Variants in VPS16 observed in about 807,000 individuals in gnomAD.
The protein encoded by VPS16 is VPS16 core subunit of CORVET and HOPS complexes, also known as vacuolar protein sorting-associated protein 16 homolog.
In VPS16, 82 loss-of-function variants were observed where a neutral mutation model predicts 116.0. The observed-to-expected ratio is 0.71, with a 90% confidence interval of 0.59 to 0.85. VPS16 has a LOEUF of 0.85. Ranked by LOEUF, VPS16 falls within the 40% of genes least tolerant of loss-of-function variation. The pLI is 0.00. For missense variants in VPS16, 928 were observed against 1,090.6 expected, an observed-to-expected ratio of 0.85 and a Z score of 2.10; for synonymous variants, 406 against 420.7, an observed-to-expected ratio of 0.96 and a Z score of 0.43.
At chr20:2,846,244 G>A (rs1243116009) in intron 1 of VPS16, among the ~76,000 whole-genome samples, 1 of 150,218 alleles carries the variant, frequency 6.7e-6, no homozygotes, top group African/African-American at 2.5e-5. Context: ...AGCCTCCTAA[G>A]TAGCTGGGAT....
chr20:2,864,089 G>A lies in VPS16; in HGVS notation c.1611+6G>A, dbSNP rs2146677016. The A allele has an allele frequency of 6.2e-7, 1 of 1,613,774 alleles. No individual in the cohort carries two copies. The highest frequency in any genetic ancestry group is 2.2e-5 in the East Asian group (1 of 44,862). ...GCACGGAGCTGGCCATCAAGGTGTG[G>A]GTGCCCAGCCCTCCACAGACACTCT... On this transcript the variant is annotated splice_donor_region_variant and intron_variant, in intron 16 of 23. Transcript: ENST00000380445. This position sits in a 1 kb window ranked among gnomAD's most constrained non-coding sequence, Gnocchi z 5.2.
At chr20:2,866,149 T>C in intron 22 of VPS16, 63 bp from the exon 23 acceptor site, 1 of 1,477,070 alleles carries the variant, frequency 6.8e-7, no homozygotes, top group South Asian at 1.2e-5. Context: ...CCTCTGCTCG[T>C]AAGAGAGAGG....
In VPS16 at chr20:2,845,046, TA is replaced by T. The variant is rs1338846629; in HGVS notation, c.53+4221del. 2.2e-4 allele frequency among the ~76,000 whole-genome samples: 29 copies of T among 129,524 alleles called. No homozygotes were observed. The South Asian group carries it at 5.5e-3, about 25-fold the overall frequency. The allele number at this position is 129,524 out of a possible 152,430, so 85.0% of individuals were successfully genotyped here. A position where few individuals can be genotyped will look rare whatever the true frequency, so the allele number is the denominator to read the frequency against. On this transcript the variant is annotated intron_variant, in intron 1 of 23. Coordinates refer to ENST00000380445, the MANE Select transcript of VPS16 (RefSeq NM_022575.4). ...TGTGTGTGTGTGTGTGTGTGTGTTTTAAGTTCCTTTTGTAGGCAATGCTGGG... is the reference window on the plus strand; with the variant it reads ...TGTGTGTGTGTGTGTGTGTGTGTTTTAGTTCCTTTTGTAGGCAATGCTGGG...
At position 2,864,278 on chromosome 20, in the gene VPS16, A is replaced by T; in HGVS notation, c.1711A>T (p.Thr571Ser). ...ALSKAIESGD[T>S]DLVFTVLLHL... The stretch of plus-strand genomic sequence containing the variant: ...AAGCAAGGCCATCGAGAGCGGGGAC[A>T]CTGACCTGGGTGAGGGCAAGGCTGG... The change falls in exon 17 of 24, where the codon ACT becomes TCT. Residue 571 changes from threonine (T) to serine (S), a missense_variant. Coordinates refer to ENST00000380445, the MANE Select transcript of VPS16 (RefSeq NM_022575.4). The surrounding 1 kb of genome is among the most constrained non-coding windows in gnomAD (Gnocchi z 5.2). 1 of 1,614,194 alleles carries T rather than the reference A, an allele frequency of 6.2e-7. No homozygotes were observed. Among genetic ancestry groups the T allele is most frequent in the Non-Finnish European group, 8.5e-7 (1 of 1,180,012 alleles).
Position 2,862,643 on chromosome 20 carries a change from C to G in VPS16, c.1136C>G (p.Ala379Gly), listed in dbSNP as rs370784992. The G allele has an allele frequency of 2.5e-5, 41 of 1,613,220 alleles. No individual in the cohort carries two copies. Among genetic ancestry groups the G allele is most frequent in the Non-Finnish European group, 3.3e-5 (39 of 1,179,964 alleles). The change falls in exon 12 of 24, where the codon GCC (alanine) becomes GGC (glycine). Residue 379 changes from alanine (A) to glycine (G), a missense_variant. Physicochemically the swap from Ala to Gly is moderately conservative, Grantham distance 60. Transcript: ENST00000380445. The part of the protein sequence containing the change: ...EIQELGQLTQ[A>G]VQQCIEAAGH... ...CAGGAGCTGGGCCAGCTGACCCAGG[C>G]CGTGCAGCAGTGCATTGAGGCTGCA...
Position 2,860,324 on chromosome 20 carries a change from A to T in VPS16, c.326A>T (p.Tyr109Phe). ...CAGGAAGATGGTGCTGTACTGGTTT[A>T]TGGGCTTCATGGTGACTTCCGGAGA... ...CVQEDGAVLV[Y>F]GLHGDFRRHF... The change falls in exon 4 of 24, where the codon TAT becomes TTT. Residue 109 changes from tyrosine (Y) to phenylalanine (F), a missense_variant. Transcript: ENST00000380445. The surrounding 1 kb of genome is among the most constrained non-coding windows in gnomAD (Gnocchi z 6.1). The T allele has an allele frequency of 1.2e-6, 2 of 1,614,022 alleles. No individual in the cohort carries two copies. Among genetic ancestry groups the T allele is most frequent in the South Asian group, 2.2e-5 (2 of 91,068 alleles).
At chr20:2,841,555 C>G (rs907056132) in intron 1 of VPS16, among the ~76,000 whole-genome samples, 6 of 152,224 alleles carry the variant, frequency 3.9e-5, no homozygotes, top group Admixed American at 3.9e-4. Flanking sequence ...CCATTTCTCT[C>G]TTTATCTCAC....
intron 1 of VPS16, among the ~76,000 whole-genome samples, chr20:2,858,491 T>C: frequency 6.6e-6 from 1 of 152,052 alleles, no homozygotes; most frequent in Non-Finnish European, 1.5e-5. Flanking sequence ...ATCTCTTTAT[T>C]TTTTTTTCTT....
chr20:2,860,117 A>C lies in VPS16; in HGVS notation c.206A>C (p.Tyr69Ser), dbSNP rs753600271. The C allele has an allele frequency of 2.0e-5, 33 of 1,613,626 alleles. No homozygotes were observed. The Admixed American group carries it at 5.2e-4, about 25-fold the overall frequency. The change falls in exon 3 of 24, where the codon TAC becomes TCC. Residue 69 changes from tyrosine to serine, a missense_variant. Tyr to Ser is a moderately radical substitution (Grantham distance 144, BLOSUM62 -2). Coordinates refer to ENST00000380445, the MANE Select transcript of VPS16 (RefSeq NM_022575.4). The surrounding 1 kb of genome is among the most constrained non-coding windows in gnomAD (Gnocchi z 6.1). ...AASVRPVLDI[Y>S]SASGMPLASL... ...AGTGTGAGGCCAGTGCTCGATATAT[A>C]CTCTGCTTCCGGCATGCCTCTGGCC...
rs2089253725 is a variant in VPS16, at chr20:2,862,924, A to G, written c.1321A>G (p.Thr441Ala). 1 of 1,613,718 alleles carries G rather than the reference A, an allele frequency of 6.2e-7. No homozygotes were observed. Among genetic ancestry groups the G allele is most frequent in the Non-Finnish European group, 8.5e-7 (1 of 1,179,796 alleles). Residue 441 changes from threonine to alanine, a missense_variant, in exon 13 of 24, where the codon ACC becomes GCC. By Grantham distance (58) the Thr-to-Ala change is moderately conservative. Coordinates refer to ENST00000380445, the MANE Select transcript of VPS16 (RefSeq NM_022575.4). ...VRDYHIGIPL[T>A]YSQYKQLTIQ... ...GGACTATCACATCGGGATCCCGCTC[A>G]CCTATAGCCAGTATCCCTGTGCACG...
intron 1 of VPS16, among the ~76,000 whole-genome samples, chr20:2,842,897 GATAGA>G: frequency 2.0e-5 from 3 of 151,080 alleles, no homozygotes; most frequent in Admixed American, 6.6e-5. Context: ...TCGATAGATA[GATAGA>G]TATATGTTAT....
In VPS16 at chr20:2,861,105, G is replaced by A; in HGVS notation, c.753+13G>A. The A allele has an allele frequency of 1.2e-6, 2 of 1,614,140 alleles. No individual in the cohort carries two copies. Among genetic ancestry groups the A allele is most frequent in the East Asian group, 2.2e-5 (1 of 44,884 alleles). ...AGCATCACTCAAGGTATGATCCTGG[G>A]GCAACACAGGGGTACTGTGCCTTGT... On this transcript the variant is annotated intron_variant, in intron 7 of 23. Coordinates refer to ENST00000380445, the MANE Select transcript of VPS16 (RefSeq NM_022575.4).
At chr20:2,852,668 C>T (rs935366139) in intron 1 of VPS16, among the ~76,000 whole-genome samples, 1 of 152,166 alleles carries the variant, frequency 6.6e-6, no homozygotes, top group Non-Finnish European at 1.5e-5. Flanking sequence ...TTACAGTATA[C>T]TGTAGTATAT....
At chr20:2,843,107 T>C (rs1228128418) in intron 1 of VPS16, among the ~76,000 whole-genome samples, 1 of 152,180 alleles carries the variant, frequency 6.6e-6, no homozygotes, top group African/African-American at 2.4e-5. Flanking sequence ...CTGTTGCATT[T>C]GTTGTTTATT....
intron 1 of VPS16, among the ~76,000 whole-genome samples, chr20:2,851,671 A>C (rs930858106): frequency 9.9e-5 from 15 of 150,916 alleles, no homozygotes; most frequent in Non-Finnish European, 2.1e-4. Context: ...TCAAAAAAAA[A>C]AAACAAAAAA....
rs981385643 is a variant in VPS16 at position 2,863,545 on chromosome 20, C to T, written c.1476+147C>T. The T allele has an allele frequency of 3.2e-5, 25 of 779,462 alleles. No individual in the cohort carries two copies. The highest frequency in any genetic ancestry group is 5.2e-5 in the South Asian group (3 of 57,692). 48.3% of individuals were successfully genotyped at this position (779,462 alleles called of 1,614,324 possible). A position where few individuals can be genotyped will look rare whatever the true frequency, so the allele number is the denominator to read the frequency against. Reference sequence around the variant, plus strand: ...TGGGAGGCTGAGGCGGGCGAATCACCTGAGGTCAGGTATTCGAGACTAGCC... The same window carrying T: ...TGGGAGGCTGAGGCGGGCGAATCACTTGAGGTCAGGTATTCGAGACTAGCC... On this transcript the variant is annotated intron_variant, in intron 15 of 23. Transcript: ENST00000380445. This position sits in a 1 kb window ranked among gnomAD's most constrained non-coding sequence, Gnocchi z 4.4.
rs766554794 is a variant in VPS16, at chr20:2,863,052, G to A, written c.1332-13G>A. ...TTATTCTCCAACTGGATCCTTAACC[G>A]AGGAAAATACAGATATAAGCAGCTC... On this transcript the variant is annotated splice_polypyrimidine_tract_variant and intron_variant, in intron 13 of 23. Coordinates refer to ENST00000380445, the MANE Select transcript of VPS16 (RefSeq NM_022575.4). The surrounding 1 kb of genome is among the most constrained non-coding windows in gnomAD (Gnocchi z 4.4). 2.0e-5 allele frequency: 33 copies of A among 1,613,940 alleles called. No homozygotes were observed. The highest frequency in any genetic ancestry group is 1.2e-4 in the African/African-American group (9 of 74,896).
At chr20:2,850,742 C>G (rs866511361) in intron 1 of VPS16, among the ~76,000 whole-genome samples, 11 of 151,354 alleles carry the variant, frequency 7.3e-5, no homozygotes, top group South Asian at 4.2e-4. Flanking sequence ...CCGTGGCAGG[C>G]AGATCACACA....
At chr20:2,859,450 C>T (rs1211608234) in intron 1 of VPS16, among the ~76,000 whole-genome samples, 1 of 152,202 alleles carries the variant, frequency 6.6e-6, no homozygotes, top group Non-Finnish European at 1.5e-5. Flanking sequence ...GGCTCAAGAG[C>T]TCCTGCCATC....
Sources: allele counts gnomAD v4.1 joint callset (sites outside exome capture counted in the v4.1 genomes callset), GRCh38; gene constraint gnomAD v4.1.1; non-coding constraint Gnocchi (gnomAD v3.1); transcripts MANE v1.5; gene names NCBI Gene and HGNC (gene_info 2026-07-23, HGNC 2026-07-21).